PARD3: variants seen among roughly 807,000 people sequenced by gnomAD.
PARD3 encodes the protein partitioning defective 3 homolog.
PARD3 carries 75 observed loss-of-function variants against 155.4 expected under a neutral mutation model. The ratio of observed to expected loss-of-function variants is 0.48; its 90% CI spans 0.40 to 0.58. PARD3 has a LOEUF of 0.58. PARD3 is among the 20% of genes least tolerant of loss of function. The probability of loss-of-function intolerance (pLI) is 0.00; values close to 1 mark genes in which losing one functional copy is unlikely to be tolerated. For synonymous variants in PARD3, 576 were observed against 610.5 expected, an observed-to-expected ratio of 0.94 and a Z score of 0.83; for missense variants, 1,642 against 1,721.7, an observed-to-expected ratio of 0.95 and a Z score of 0.82.
chr10:34,579,322 T>C (rs1402137628), intron 2 of PARD3, among the ~76,000 whole-genome samples: 11 of 151,926 alleles, frequency 7.2e-5, no homozygotes, highest in African/African-American at 2.2e-4. Flanking sequence ...AGCATCCTTT[T>C]CAATAAACCC....
At chr10:34,604,123 T>C (rs1482750563) in intron 2 of PARD3, among the ~76,000 whole-genome samples, 2 of 152,132 alleles carry the variant, frequency 1.3e-5, no homozygotes, top group Non-Finnish European at 2.9e-5. Context: ...CTGCAACCCA[T>C]CAGTCAACAA....
intron 23 of PARD3, among the ~76,000 whole-genome samples, chr10:34,121,461 T>C (rs1196982078): frequency 6.6e-6 from 1 of 152,230 alleles, no homozygotes; most frequent in Non-Finnish European, 1.5e-5. Flanking sequence ...TTATTGATTT[T>C]CTTTTAGAGT....
At position 34,580,337 on chromosome 10, in the gene PARD3, T is replaced by C. The variant is rs573667344; in HGVS notation, c.223-63178A>G. ...TCACTCGAGACCAGCCTAGGCAACA[T>C]GACGAATCCCCGTCTCTAGAAAAAA... On this transcript the variant is annotated intron_variant, in intron 2 of 24. Transcript: ENST00000374788. Among the ~76,000 whole-genome samples, 7 of 152,000 alleles carry C rather than the reference T, an allele frequency of 4.6e-5. No homozygotes were observed. In the East Asian group the frequency reaches 1.2e-3, roughly 25 times the overall value.
At chr10:34,162,489 C>CA (rs1949333466) in intron 22 of PARD3, among the ~76,000 whole-genome samples, 1 of 152,216 alleles carries the variant, frequency 6.6e-6, no homozygotes, top group Non-Finnish European at 1.5e-5. Context: ...TCCTGTGTCA[C>CA]ATACACATGT....
chr10:34,617,277 A>AAT (rs2091322508), intron 2 of PARD3, among the ~76,000 whole-genome samples: 1 of 152,074 alleles, frequency 6.6e-6, no homozygotes, highest in South Asian at 2.1e-4. Flanking sequence ...TAAATAAATA[A>AAT]AAATAAAAAG....
chr10:34,138,113 G>A (rs1250617847), intron 22 of PARD3, among the ~76,000 whole-genome samples: 1 of 152,226 alleles, frequency 6.6e-6, no homozygotes, highest in Non-Finnish European at 1.5e-5. Flanking sequence ...GTTGTTAGAA[G>A]AGTGGAATCA....
intron 3 of PARD3, among the ~76,000 whole-genome samples, chr10:34,502,357 C>T (rs754538043): frequency 1.3e-5 from 2 of 152,056 alleles, no homozygotes; most frequent in Admixed American, 6.6e-5. Context: ...GGGCCATACA[C>T]GAAGGAAGGC....
At chr10:34,144,270 TA>T (rs1213379788) in intron 22 of PARD3, among the ~76,000 whole-genome samples, 5 of 152,322 alleles carry the variant, frequency 3.3e-5, no homozygotes, top group African/African-American at 1.2e-4. Flanking sequence ...AAAGAATCAT[TA>T]AAAGAAACTT....
chr10:34,470,093 C>G lies in PARD3; in HGVS notation c.574G>C (p.Asp192His). 1 of 1,597,420 alleles carries G rather than the reference C, an allele frequency of 6.3e-7. No individual in the cohort carries two copies. Among genetic ancestry groups the G allele is most frequent in the Non-Finnish European group, 8.5e-7 (1 of 1,171,510 alleles). The change falls in exon 4 of 25, where the codon GAC becomes CAC. Residue 192 changes from aspartate (D) to histidine (H), a missense_variant. Asp to His is a moderately conservative substitution (Grantham distance 81). Transcript: ENST00000374788. ...CAAGCAGAGGTGGTTACCTTCCTGTCGCAGGTTTTAGGACTCCCAGCAGTG... is the reference window on the plus strand; with the variant it reads ...CAAGCAGAGGTGGTTACCTTCCTGTGGCAGGTTTTAGGACTCCCAGCAGTG... ...QNTAGSPKTC[D>H]RKKDENYRSL...
chr10:34,303,694 TGTGAGACAG>T, intron 20 of PARD3, among the ~76,000 whole-genome samples: 1 of 151,926 alleles, frequency 6.6e-6, no homozygotes, highest in East Asian at 1.9e-4. Flanking sequence ...CCCAGACAGA[TGTGAGACAG>T]GTGATGCTGA....
rs1402537277 is a variant in PARD3, at chr10:34,176,327, TA to T, written c.3420-44745del. Among the ~76,000 whole-genome samples the T allele has an allele frequency of 2.6e-5, 4 of 152,086 alleles. No homozygotes were observed. The East Asian group carries it at 7.7e-4, about 29-fold the overall frequency. ...GATGCAAAAGGAGAGACTTTAAGTC[TA>T]ATATGTAACATTATTAAGAAAAATT... On this transcript the variant is annotated intron_variant, in intron 22 of 24. Coordinates refer to ENST00000374788, the MANE Select transcript of PARD3 (RefSeq NM_001184785.2).
chr10:34,551,902 G>T (rs1432799062), intron 2 of PARD3, among the ~76,000 whole-genome samples: 1 of 152,198 alleles, frequency 6.6e-6, no homozygotes. Flanking sequence ...AAATCTCATA[G>T]ACTGGAGTAG....
chr10:34,588,989 T>G (rs972055201), intron 2 of PARD3, among the ~76,000 whole-genome samples: 3 of 152,072 alleles, frequency 2.0e-5, no homozygotes, highest in Admixed American at 1.3e-4. Context: ...TCCCAGTACT[T>G]TGGGAGGCCA....
intron 2 of PARD3, among the ~76,000 whole-genome samples, chr10:34,566,027 C>G (rs2085913643): frequency 6.6e-6 from 1 of 152,232 alleles, no homozygotes; most frequent in Non-Finnish European, 1.5e-5. Context: ...TGGAGCCACC[C>G]CAGTGATAAC....
At chr10:34,555,500 GAACAA>G (rs1231333147) in intron 2 of PARD3, among the ~76,000 whole-genome samples, 1 of 151,856 alleles carries the variant, frequency 6.6e-6, no homozygotes, top group African/African-American at 2.4e-5. Context: ...AATAATTGAG[GAACAA>G]AACAAAACAA....
intron 1 of PARD3, among the ~76,000 whole-genome samples, chr10:34,737,070 G>A (rs761102228): frequency 3.3e-5 from 5 of 152,174 alleles, no homozygotes; most frequent in Non-Finnish European, 7.3e-5. Context: ...AATCCCAACT[G>A]AGAACAGCAA....
At chr10:34,405,488 A>G (rs1485682553) in intron 5 of PARD3, among the ~76,000 whole-genome samples, 1 of 152,194 alleles carries the variant, frequency 6.6e-6, no homozygotes, top group Non-Finnish European at 1.5e-5. Flanking sequence ...AATATTTTCA[A>G]TGTAGAATGT....
chr10:34,674,163 G>A (rs965103758), intron 2 of PARD3, among the ~76,000 whole-genome samples: 2 of 152,038 alleles, frequency 1.3e-5, no homozygotes, highest in African/African-American at 4.8e-5. Flanking sequence ...TCGTTAACAA[G>A]AAGTAGCACT....
intron 1 of PARD3, among the ~76,000 whole-genome samples, chr10:34,733,254 C>G (rs1373683397): frequency 6.6e-6 from 1 of 152,140 alleles, no homozygotes; most frequent in Non-Finnish European, 1.5e-5. Flanking sequence ...TAGTCATTTC[C>G]TGATTACAAA....
Sources: allele counts gnomAD v4.1 joint callset (sites outside exome capture counted in the v4.1 genomes callset), GRCh38; gene constraint gnomAD v4.1.1; transcripts MANE v1.5; gene names NCBI Gene and HGNC (gene_info 2026-07-23, HGNC 2026-07-21).